Variants in FRMPD4 observed in about 807,000 individuals in gnomAD.
The protein encoded by FRMPD4 is FERM and PDZ domain-containing protein 4.
FRMPD4 carries 22 observed loss-of-function variants against 94.1 expected under a neutral mutation model. The observed-to-expected ratio is 0.23, with a 90% CI of 0.17 to 0.33. The LOEUF (loss-of-function observed/expected upper bound fraction) is 0.33, where lower values mean the gene tolerates loss of function less well. Ranked by LOEUF, FRMPD4 falls within the 10% of genes least tolerant of loss-of-function variation. The pLI is 1.00. For missense variants in FRMPD4, 1,111 were observed against 1,339.9 expected (o/e 0.83, Z 2.67); for synonymous variants, 631 against 548.6 (o/e 1.15, Z -2.10).
At chrX:12,513,039 G>A (rs773480788) in intron 2 of FRMPD4, among the ~76,000 whole-genome samples, 2 of 111,931 alleles carry the variant, frequency 1.8e-5, no homozygotes, top group African/African-American at 3.2e-5. Flanking sequence ...GCGTCTGTTC[G>A]TATCCTTTGC....
chrX:12,646,968 C>T, intron 4 of FRMPD4, among the ~76,000 whole-genome samples: 1 of 111,973 alleles, frequency 8.9e-6, no homozygotes, highest in Non-Finnish European at 1.9e-5. Flanking sequence ...CCCCTAGGAA[C>T]AACTGGGAGC....
chrX:12,259,630 C>T lies in FRMPD4; in HGVS notation c.41+120618C>T, dbSNP rs765226098. On this transcript the variant is annotated intron_variant, in intron 1 of 16. Coordinates refer to ENST00000675598, the MANE Select transcript of FRMPD4 (RefSeq NM_001368397.1). Reference sequence around the variant, plus strand: ...TACACAGTTCTAGGAAACGAATACACGGTTAAGCCTAAAAGGGGATACATT... The same window carrying T: ...TACACAGTTCTAGGAAACGAATACATGGTTAAGCCTAAAAGGGGATACATT... Among the ~76,000 whole-genome samples the T allele has an allele frequency of 3.8e-4, 42 of 111,550 alleles. No individual in the cohort carries two copies. In the South Asian group the frequency reaches 4.2e-3, roughly 11 times the overall value.
chrX:11,873,083 C>T (rs2053763757), intron 2 of FRMPD4, among the ~76,000 whole-genome samples: 1 of 111,842 alleles, frequency 8.9e-6, no homozygotes. Flanking sequence ...ATTTTCTCTA[C>T]ACTCCCCACT....
At chrX:11,928,639 G>A (rs2054102797) in intron 3 of FRMPD4, among the ~76,000 whole-genome samples, 1 of 112,343 alleles carries the variant, frequency 8.9e-6, no homozygotes, top group Admixed American at 9.4e-5. Context: ...TAAAGAAAAA[G>A]GAATGCTTAT....
intron 3 of FRMPD4, among the ~76,000 whole-genome samples, chrX:11,992,801 A>G (rs1443114226): frequency 5.5e-5 from 6 of 110,088 alleles, no homozygotes; most frequent in African/African-American, 2.0e-4. Context: ...TGGCCTCACA[A>G]GCCACTTCGG....
chrX:12,169,785 T>C (rs1185684098), intron 1 of FRMPD4, among the ~76,000 whole-genome samples: 3 of 112,963 alleles, frequency 2.7e-5, no homozygotes, highest in Admixed American at 9.3e-5. Flanking sequence ...AAGTGAAATA[T>C]AAGCAAACAA....
At chrX:11,829,200 T>C (rs1194553738) in intron 1 of FRMPD4, among the ~76,000 whole-genome samples, 1 of 112,011 alleles carries the variant, frequency 8.9e-6, no homozygotes, top group African/African-American at 3.2e-5. Context: ...CCCAAAATAA[T>C]GTTTGACCAA....
At chrX:12,475,768 T>A (rs1361958130) in intron 1 of FRMPD4, among the ~76,000 whole-genome samples, 1 of 111,365 alleles carries the variant, frequency 9.0e-6, no homozygotes, top group Non-Finnish European at 1.9e-5. Context: ...GATGTGAAGG[T>A]CCTCTTCAAA....
At chrX:11,848,111 TG>T (rs1444575765) in intron 1 of FRMPD4, among the ~76,000 whole-genome samples, 7 of 110,704 alleles carry the variant, frequency 6.3e-5, no homozygotes, top group African/African-American at 1.6e-4. Flanking sequence ...ATACGTCCTT[TG>T]TTTTTTGGAA....
chrX:12,361,292 C>T (rs758067238), intron 1 of FRMPD4, among the ~76,000 whole-genome samples: 2 of 112,200 alleles, frequency 1.8e-5, no homozygotes, highest in Non-Finnish European at 3.8e-5. Context: ...TACAAATAGC[C>T]AGAACAATGA....
In FRMPD4 at chrX:12,546,920, G is replaced by C. The variant is rs186570668; in HGVS notation, c.158+48124G>C. ...TAATCCCAGCAGTTTGGGAGGCTGAGATGGGAGGATCACTTGATCCCAGGA... is the reference window on the plus strand; with the variant it reads ...TAATCCCAGCAGTTTGGGAGGCTGACATGGGAGGATCACTTGATCCCAGGA... On this transcript the variant is annotated intron_variant, in intron 2 of 16. Coordinates refer to ENST00000675598, the MANE Select transcript of FRMPD4 (RefSeq NM_001368397.1). 1.6e-4 allele frequency among the ~76,000 whole-genome samples: 16 copies of C among 102,245 alleles called. No individual in the cohort carries two copies. The East Asian group carries it at 5.4e-3, about 35-fold the overall frequency. The allele number at this position is 102,245 out of a possible 115,157, so 88.8% of individuals were successfully genotyped here.
intron 15 of FRMPD4, 144 bp downstream of exon 15, chrX:12,717,277 GT>G (rs1156286063): frequency 2.1e-6 from 1 of 465,413 alleles, no homozygotes; most frequent in South Asian, 4.0e-5. Context: ...GCCATCATGG[GT>G]TTTTTTGTGT....
intron 3 of FRMPD4, among the ~76,000 whole-genome samples, chrX:12,096,948 A>G (rs1189565383): frequency 9.0e-6 from 1 of 111,372 alleles, no homozygotes; most frequent in African/African-American, 3.3e-5. Flanking sequence ...GCCAGGGACT[A>G]TTAGACTCAA....
rs1485802541 is a variant in FRMPD4, at chrX:12,145,076, C to A, written c.41+6064C>A. Reference sequence around the variant, plus strand: ...TTTTGGTTATTTTTTATAGGCTTCACAAGTTTTATGAGATTTGCTTAATTG... The same window carrying A: ...TTTTGGTTATTTTTTATAGGCTTCAAAAGTTTTATGAGATTTGCTTAATTG... On this transcript the variant is annotated intron_variant, in intron 1 of 16. Transcript: ENST00000675598. 3.1e-4 allele frequency among the ~76,000 whole-genome samples: 34 copies of A among 111,472 alleles called. No homozygotes were observed. In the Admixed American group the frequency reaches 3.3e-3, roughly 11 times the overall value.
At chrX:12,422,205 T>G (rs1170961607) in intron 1 of FRMPD4, among the ~76,000 whole-genome samples, 7 of 112,094 alleles carry the variant, frequency 6.2e-5, no homozygotes, top group Non-Finnish European at 1.1e-4. Flanking sequence ...CTTGAAGGAC[T>G]CAGCTCATTA....
At chrX:11,925,951 G>A (rs1283016972) in intron 3 of FRMPD4, among the ~76,000 whole-genome samples, 1 of 110,889 alleles carries the variant, frequency 9.0e-6, no homozygotes, top group Non-Finnish European at 1.9e-5. Flanking sequence ...ACAAATCCAG[G>A]AGCTGGTTTT....
At chrX:11,868,851 C>T (rs2053738927) in intron 2 of FRMPD4, among the ~76,000 whole-genome samples, 1 of 112,685 alleles carries the variant, frequency 8.9e-6, no homozygotes, top group Non-Finnish European at 1.9e-5. Flanking sequence ...GAAATGCTCA[C>T]TCATTGCTGT....
chrX:12,026,546 T>C (rs777235319), intron 3 of FRMPD4, among the ~76,000 whole-genome samples: 15 of 112,415 alleles, frequency 1.3e-4, no homozygotes, highest in Non-Finnish European at 2.8e-4. Flanking sequence ...TCTTTCTTGA[T>C]CCCAACTTGT....
intron 4 of FRMPD4, among the ~76,000 whole-genome samples, chrX:12,642,399 G>T (rs770509827): frequency 4.8e-4 from 54 of 112,087 alleles, no homozygotes; most frequent in Non-Finnish European, 8.6e-4. Flanking sequence ...GGCAAAGAGC[G>T]GGAGGAGAGA....
Sources: gnomAD v4.1 joint callset for allele counts (sites outside exome capture counted in the v4.1 genomes callset) on GRCh38, gnomAD v4.1.1 for gene constraint, MANE v1.5 for transcripts, NCBI Gene and HGNC (gene_info 2026-07-23, HGNC 2026-07-21) for gene names.